The following DPYD variants were observed in gnomAD, a reference collection of about 807,000 sequenced individuals.
The protein encoded by DPYD is dihydropyrimidine dehydrogenase [NADP(+)].
A neutral mutation model predicts 116.2 loss-of-function variants in DPYD; 109 were observed. The observed-to-expected ratio is 0.94, with a 90% CI of 0.80 to 1.10. The LOEUF is 1.10. DPYD is among the 50% of genes least tolerant of loss of function. The pLI, the probability that DPYD is intolerant of heterozygous loss-of-function variation, is 0.00. For synonymous variants in DPYD, 440 were observed against 432.0 expected (o/e 1.02, Z -0.23); for missense variants, 1,302 against 1,254.5 (o/e 1.04, Z -0.57).
chr1:97,399,177 T>C (rs1323457030), intron 14 of DPYD, among the ~76,000 whole-genome samples: 1 of 152,224 alleles, frequency 6.6e-6, no homozygotes, highest in Non-Finnish European at 1.5e-5. Context: ...CTAGCCAGTT[T>C]TCCCAGCACC....
intron 4 of DPYD, among the ~76,000 whole-genome samples, chr1:97,734,616 CTAAT>C (rs1450656709): frequency 6.6e-6 from 1 of 152,034 alleles, no homozygotes; most frequent in African/African-American, 2.4e-5. Flanking sequence ...ATATTGAAAA[CTAAT>C]TATCTGCCAT....
intron 3 of DPYD, among the ~76,000 whole-genome samples, chr1:97,822,374 T>C (rs1668991535): frequency 6.8e-6 from 1 of 147,864 alleles, no homozygotes. Context: ...ATTGTAAAAT[T>C]CTAAATATGA....
intron 10 of DPYD, among the ~76,000 whole-genome samples, chr1:97,591,366 C>A (rs184340750): frequency 7.9e-5 from 12 of 152,180 alleles, no homozygotes; most frequent in Admixed American, 7.9e-4. Flanking sequence ...TCACTAGGTA[C>A]AAATTCCATG....
At chr1:97,532,310 C>T (rs1361891612) in intron 12 of DPYD, among the ~76,000 whole-genome samples, 2 of 151,920 alleles carry the variant, frequency 1.3e-5, no homozygotes, top group Non-Finnish European at 2.9e-5. Context: ...TTTTTGCATC[C>T]ATATTCATCA....
At chr1:97,400,928 AC>A in intron 14 of DPYD, among the ~76,000 whole-genome samples, 1 of 152,174 alleles carries the variant, frequency 6.6e-6, no homozygotes, top group South Asian at 2.1e-4. Context: ...TTGCATTCCC[AC>A]CAGCAACGAA....
At chr1:97,634,172 A>G (rs1441754017) in intron 8 of DPYD, among the ~76,000 whole-genome samples, 1 of 152,160 alleles carries the variant, frequency 6.6e-6, no homozygotes, top group Non-Finnish European at 1.5e-5. Flanking sequence ...TAGGAAGGAC[A>G]GTTTATAGAT....
intron 3 of DPYD, among the ~76,000 whole-genome samples, 160 bp from the exon 4 acceptor site, chr1:97,740,639 T>C (rs1363157778): frequency 2.0e-5 from 3 of 152,142 alleles, no homozygotes; most frequent in Non-Finnish European, 2.9e-5. Flanking sequence ...AGTTTCTGTG[T>C]TTCATCTTTG....
Position 97,078,996 on chromosome 1 carries a change from A to G in DPYD, c.3058T>C (p.Ser1020Pro). The change falls in exon 23 of 23, where the codon TCT becomes CCT. Residue 1020 changes from serine to proline, a missense_variant. By Grantham distance (74) the Ser-to-Pro change is moderately conservative. Transcript: ENST00000370192. ...PYEPKRGVPL[S>P]VNPVC Reference sequence around the variant, plus strand: ...TCACCTTAACACACCGGATTCACAGATAAGGGTACGCCTCTCTTTGGTTCA... The same window carrying G: ...TCACCTTAACACACCGGATTCACAGGTAAGGGTACGCCTCTCTTTGGTTCA... 1.2e-6 allele frequency: 2 copies of G among 1,613,706 alleles called. No individual in the cohort carries two copies. The highest frequency in any genetic ancestry group is 1.7e-6 in the Non-Finnish European group (2 of 1,179,670).
At chr1:97,717,859 C>T (rs1323852639) in intron 5 of DPYD, among the ~76,000 whole-genome samples, 4 of 151,456 alleles carry the variant, frequency 2.6e-5, no homozygotes, top group Non-Finnish European at 3.0e-5. Flanking sequence ...TTTCATTATC[C>T]AACCATTGAC....
At chr1:97,361,723 A>G (rs557456070) in intron 16 of DPYD, among the ~76,000 whole-genome samples, 3 of 152,270 alleles carry the variant, frequency 2.0e-5, no homozygotes, top group Admixed American at 2.0e-4. Context: ...ATCTCAATAG[A>G]TGCATAAAAG....
At chr1:97,547,639 T>C (rs967868185) in intron 12 of DPYD, among the ~76,000 whole-genome samples, 4 of 152,090 alleles carry the variant, frequency 2.6e-5, no homozygotes, top group Non-Finnish European at 4.4e-5. Context: ...CTTTGCAAAA[T>C]CCACAGGCTC....
At chr1:97,105,932 A>G (rs1651105903) in intron 20 of DPYD, among the ~76,000 whole-genome samples, 1 of 152,190 alleles carries the variant, frequency 6.6e-6, no homozygotes, top group Admixed American at 6.5e-5. Context: ...GCTTATCCTT[A>G]TATGGCTAAA....
At chr1:97,548,166 C>A (rs1052760419) in intron 12 of DPYD, among the ~76,000 whole-genome samples, 2 of 152,136 alleles carry the variant, frequency 1.3e-5, no homozygotes, top group Non-Finnish European at 2.9e-5. Flanking sequence ...AGTGTGAGCA[C>A]TCTTCCTTGA....
At chr1:97,549,536 G>C in intron 12 of DPYD, 24 bp downstream of exon 12, 1 of 1,612,866 alleles carries the variant, frequency 6.2e-7, no homozygotes, top group Non-Finnish European at 8.5e-7. Context: ...AAAGAATTAA[G>C]TGGAAATGAT....
chr1:97,147,425 T>C (rs953348796), intron 20 of DPYD, among the ~76,000 whole-genome samples: 1 of 152,116 alleles, frequency 6.6e-6, no homozygotes, highest in Non-Finnish European at 1.5e-5. Context: ...CAAACAGCCT[T>C]GAATGCCAGA....
At chr1:97,495,903 A>G (rs1437589555) in intron 13 of DPYD, among the ~76,000 whole-genome samples, 3 of 152,164 alleles carry the variant, frequency 2.0e-5, no homozygotes, top group Non-Finnish European at 4.4e-5. Flanking sequence ...TTTTCAGATC[A>G]ATTTTAATAA....
intron 14 of DPYD, among the ~76,000 whole-genome samples, chr1:97,426,611 A>G (rs1329864936): frequency 3.3e-5 from 5 of 152,044 alleles, no homozygotes; most frequent in Admixed American, 2.6e-4. Context: ...AAAATAGAGG[A>G]GTGGCTCTAT....
At chr1:97,381,489 C>T (rs1246787091) in intron 15 of DPYD, among the ~76,000 whole-genome samples, 3 of 152,134 alleles carry the variant, frequency 2.0e-5, no homozygotes, top group Non-Finnish European at 4.4e-5. Context: ...ATACATGTAT[C>T]AAATGAACCC....
chr1:97,635,889 G>C (rs1374502528), intron 8 of DPYD, among the ~76,000 whole-genome samples: 2 of 151,984 alleles, frequency 1.3e-5, no homozygotes, highest in Non-Finnish European at 2.9e-5. Flanking sequence ...GTGTGATCAC[G>C]GCTCACTGCA....
Sources: allele counts gnomAD v4.1 joint callset (sites outside exome capture counted in the v4.1 genomes callset), GRCh38; gene constraint gnomAD v4.1.1; transcripts MANE v1.5; gene names NCBI Gene and HGNC (gene_info 2026-07-23, HGNC 2026-07-21).